Variants in MKX observed in about 807,000 individuals in gnomAD.
The protein encoded by MKX is homeobox protein Mohawk.
MKX carries 13 observed loss-of-function variants against 36.0 expected under a neutral mutation model. That is an observed-to-expected ratio of 0.36 (90% CI 0.24 to 0.57). The LOEUF (loss-of-function observed/expected upper bound fraction) is 0.57, where lower values mean the gene tolerates loss of function less well. MKX is among the 20% of genes least tolerant of loss of function. MKX has a pLI of 0.79. For missense variants in MKX, 458 were observed against 456.4 expected, an observed-to-expected ratio of 1.00 and a Z score of -0.03; for synonymous variants, 176 against 178.3, an observed-to-expected ratio of 0.99 and a Z score of 0.10.
chr10:27,674,548 A>G lies in MKX; in HGVS notation c.*681T>C, dbSNP rs913671268. 4.6e-5 allele frequency: 7 copies of G among 152,526 alleles called. No individual in the cohort carries two copies. The highest frequency in any genetic ancestry group is 7.3e-5 in the Non-Finnish European group (5 of 68,040). The allele number at this position is 152,526 out of a possible 1,614,324, so 9.4% of individuals were successfully genotyped here. ...GTGGTGCTTTCCAACAGTGCTTGAA[A>G]AAAAGTTTTCCTGGTCACCATGTGT... On this transcript the variant is annotated 3_prime_UTR_variant, in exon 7 of 7. Transcript: ENST00000419761.
intron 3 of MKX, among the ~76,000 whole-genome samples, chr10:27,736,944 T>C (rs1834792590): frequency 6.6e-6 from 1 of 152,174 alleles, no homozygotes; most frequent in Non-Finnish European, 1.5e-5. Flanking sequence ...ATTACTAAGA[T>C]TCAGTCTGAC....
chr10:27,696,632 A>G (rs1363200965), intron 5 of MKX, among the ~76,000 whole-genome samples: 1 of 152,138 alleles, frequency 6.6e-6, no homozygotes, highest in Non-Finnish European at 1.5e-5. Context: ...AGTAGCCATA[A>G]TATGCAAAAC....
chr10:27,723,066 T>C (rs1315073579), intron 5 of MKX, among the ~76,000 whole-genome samples: 1 of 152,210 alleles, frequency 6.6e-6, no homozygotes, highest in Non-Finnish European at 1.5e-5. Context: ...ATAGTAACCA[T>C]GAAATAGTCC....
intron 5 of MKX, among the ~76,000 whole-genome samples, chr10:27,724,586 C>G (rs933148683): frequency 1.3e-5 from 2 of 152,154 alleles, no homozygotes; most frequent in African/African-American, 4.8e-5. Context: ...CTCCTCAAAA[C>G]CACTTTCAAA....
At chr10:27,705,995 C>T (rs139048589) in intron 5 of MKX, among the ~76,000 whole-genome samples, 6 of 152,266 alleles carry the variant, frequency 3.9e-5, no homozygotes, top group Non-Finnish European at 7.3e-5. Context: ...TTTTCACCTT[C>T]GAGACTGAAA....
intron 5 of MKX, among the ~76,000 whole-genome samples, chr10:27,720,663 G>C (rs1031418964): frequency 1.3e-5 from 2 of 152,090 alleles, no homozygotes; most frequent in African/African-American, 4.8e-5. Context: ...TCAATAAAGT[G>C]ATTACACCAG....
At chr10:27,732,784 G>C (rs142083708) in intron 5 of MKX, among the ~76,000 whole-genome samples, 1 of 152,206 alleles carries the variant, frequency 6.6e-6, no homozygotes, top group Non-Finnish European at 1.5e-5. Flanking sequence ...GTCTCCCTCT[G>C]TTCCTCAGGC....
At chr10:27,678,828 C>T (rs12358421) in intron 5 of MKX, among the ~76,000 whole-genome samples, 7,413 of 152,252 alleles carry the variant, frequency 0.049, 194 homozygotes, top group African/African-American at 0.06. Flanking sequence ...AACACGTTTA[C>T]TGCAGCCAAC....
At chr10:27,679,401 G>A (rs921008993) in intron 5 of MKX, among the ~76,000 whole-genome samples, 3 of 151,746 alleles carry the variant, frequency 2.0e-5, no homozygotes, top group African/African-American at 7.3e-5. Flanking sequence ...GGGAAGGGCC[G>A]GGGGTGGGCA....
intron 5 of MKX, among the ~76,000 whole-genome samples, chr10:27,729,828 A>G (rs1014525983): frequency 6.6e-6 from 1 of 152,196 alleles, no homozygotes; most frequent in Non-Finnish European, 1.5e-5. Context: ...TTCAAGTTAG[A>G]AAAGGTTCCA....
chr10:27,689,910 T>C (rs1836422830), intron 5 of MKX, among the ~76,000 whole-genome samples: 1 of 152,076 alleles, frequency 6.6e-6, no homozygotes. Flanking sequence ...CGTGGGTGAG[T>C]GGGGACAGCT....
In MKX at chr10:27,744,544, G is replaced by C. The variant is rs1835003675; in HGVS notation, c.-82-1047C>G. ...GTCCGCGCGGCCGCGGAGCCGCAGA[G>C]TTACAGCCCCAAGGCGCGCGGCGGA... On this transcript the variant is annotated intron_variant, in intron 1 of 6. Coordinates refer to ENST00000419761, the MANE Select transcript of MKX (RefSeq NM_173576.3). The surrounding 1 kb of genome is among the most constrained non-coding windows in gnomAD (Gnocchi z 5.6). 6.6e-6 allele frequency among the ~76,000 whole-genome samples: 1 copy of C among 152,186 alleles called. No homozygotes were observed. The highest frequency in any genetic ancestry group is 1.9e-4 in the East Asian group (1 of 5,140).
intron 5 of MKX, among the ~76,000 whole-genome samples, chr10:27,733,078 T>C (rs1479810484): frequency 6.6e-6 from 1 of 152,170 alleles, no homozygotes; most frequent in Non-Finnish European, 1.5e-5. Context: ...AAATTTTCTT[T>C]TATTTTTTCT....
At chr10:27,735,166 G>T in intron 4 of MKX, 55 bp downstream of exon 4, 2 of 1,453,672 alleles carry the variant, frequency 1.4e-6, no homozygotes, top group Non-Finnish European at 1.8e-6. Context: ...AGCAATTATG[G>T]TGAACTTGCT....
At chr10:27,734,424 C>T (rs370707355) in intron 5 of MKX, 32 bp downstream of exon 5, 24 of 1,578,662 alleles carry the variant, frequency 1.5e-5, no homozygotes, top group Admixed American at 6.8e-5. Flanking sequence ...AAACAGGTAT[C>T]GCAGGAATTA....
In MKX at chr10:27,735,347, G is replaced by A; in HGVS notation, c.376C>T (p.Arg126Cys). The change falls in exon 4 of 7, where the codon CGT becomes TGT. Residue 126 changes from arginine to cysteine, a missense_variant. Coordinates refer to ENST00000419761, the MANE Select transcript of MKX (RefSeq NM_173576.3). The stretch of plus-strand genomic sequence containing the variant: ...TGTCGAACGGTATTCTTAAGCCGAC[G>A]TCTTGCATTAGCAAACCAATTTGAC... ...QVSNWFANAR[R>C]RLKNTVRQPD... 1.2e-6 allele frequency: 2 copies of A among 1,612,732 alleles called. No homozygotes were observed. The highest frequency in any genetic ancestry group is 1.7e-6 in the Non-Finnish European group (2 of 1,179,576).
intron 5 of MKX, among the ~76,000 whole-genome samples, chr10:27,716,569 T>C (rs1455951656): frequency 1.3e-5 from 2 of 152,122 alleles, no homozygotes; most frequent in African/African-American, 2.4e-5. Flanking sequence ...AGAGAACACG[T>C]GTTTTCTGTG....
chr10:27,723,524 A>C (rs1001257799), intron 5 of MKX, among the ~76,000 whole-genome samples: 1 of 152,250 alleles, frequency 6.6e-6, no homozygotes, highest in Non-Finnish European at 1.5e-5. Flanking sequence ...TGTGGATTCC[A>C]ACAGCCAGCC....
rs1274867968 is a variant in MKX at position 27,741,539 on chromosome 10, C to A, written c.189-35G>T. 2 of 1,533,990 alleles carry A rather than the reference C, an allele frequency of 1.3e-6. No homozygotes were observed. Among genetic ancestry groups the A allele is most frequent in the African/African-American group, 1.4e-5 (1 of 71,360 alleles). On this transcript the variant is annotated intron_variant, in intron 2 of 6. Coordinates refer to ENST00000419761, the MANE Select transcript of MKX (RefSeq NM_173576.3). This position sits in a 1 kb window ranked among gnomAD's most constrained non-coding sequence, Gnocchi z 5.1. ...GGGGAGAGGAGGCGGCCCTGGTGAGCGACGCGTTTGCCCGCCCGGACGCTC... is the reference window on the plus strand; with the variant it reads ...GGGGAGAGGAGGCGGCCCTGGTGAGAGACGCGTTTGCCCGCCCGGACGCTC...
Sources: gnomAD v4.1 joint callset for allele counts (sites outside exome capture counted in the v4.1 genomes callset) on GRCh38, gnomAD v4.1.1 for gene constraint, Gnocchi (gnomAD v3.1) non-coding constraint, MANE v1.5 for transcripts, NCBI Gene and HGNC (gene_info 2026-07-23, HGNC 2026-07-21) for gene names.